The following KHSRP variants were observed in gnomAD, a reference collection of about 807,000 sequenced individuals.
The protein encoded by KHSRP is KH-type splicing regulatory protein, also known as far upstream element-binding protein 2.
KHSRP carries 13 observed loss-of-function variants against 94.9 expected under a neutral mutation model. The ratio of observed to expected loss-of-function variants is 0.14; its 90% CI spans 0.09 to 0.22. The LOEUF is 0.22. Among genes scored for constraint, KHSRP ranks in the 10% least tolerant of loss-of-function variants. The pLI, the probability that KHSRP is intolerant of heterozygous loss-of-function variation, is 1.00. For synonymous variants in KHSRP, 495 were observed against 401.4 expected, an observed-to-expected ratio of 1.23 and a Z score of -2.79; for missense variants, 710 against 1,010.0, an observed-to-expected ratio of 0.70 and a Z score of 4.03.
chr19:6,415,610 C>A lies in KHSRP; in HGVS notation c.1812G>T (p.Gln604His). The stretch of plus-strand genomic sequence containing the variant: ...TGGGTGGGGGCTGAGGGGGCTCACC[C>A]TGAGCCGGTGGGGCCGCAGGGGCCG... ...PAPAPAAPPA[Q>H]GEPPQPPPTG... Residue 604 changes from glutamine (Q) to histidine (H), a missense_variant, in exon 17 of 19, where the codon CAG (glutamine) becomes CAT (histidine). Physicochemically the swap from Gln to His is conservative, Grantham distance 24 (BLOSUM62 0). Transcript: ENST00000600480. 1 of 1,517,800 alleles carries A rather than the reference C, an allele frequency of 6.6e-7. No homozygotes were observed. Among genetic ancestry groups the A allele is most frequent in the Non-Finnish European group, 8.8e-7 (1 of 1,133,758 alleles). The allele number at this position is 1,517,800 out of a possible 1,614,324, so 94.0% of individuals were successfully genotyped here.
chr19:6,417,897 C>T, intron 10 of KHSRP, 56 bp from the exon 11 acceptor site: 1 of 1,602,578 alleles, frequency 6.2e-7, no homozygotes, highest in Non-Finnish European at 8.5e-7. Flanking sequence ...CCCTCTGCTG[C>T]CCACTGGCCA....
Position 6,413,171 on chromosome 19 carries a change from C to T in KHSRP, c.*1853G>A, listed in dbSNP as rs1316921446. On this transcript the variant is annotated 3_prime_UTR_variant, in exon 19 of 19. Transcript: ENST00000600480. Reference sequence around the variant, plus strand: ...GGGGGGGGGCACGGTTAGGAAAGCACATTGAGCCTGAAGAAAACTATTTTA... The same window carrying T: ...GGGGGGGGGCACGGTTAGGAAAGCATATTGAGCCTGAAGAAAACTATTTTA... Among the ~76,000 whole-genome samples the T allele has an allele frequency of 1.5e-5, 2 of 135,998 alleles. No homozygotes were observed. The highest frequency in any genetic ancestry group is 7.3e-5 in the Admixed American group (1 of 13,610). 89.2% of individuals were successfully genotyped at this position (135,998 alleles called of 152,430 possible). A position where few individuals can be genotyped will look rare whatever the true frequency, so the allele number is the denominator to read the frequency against.
At chr19:6,419,777 C>T (rs909762426) in intron 6 of KHSRP, among the ~76,000 whole-genome samples, 5 of 152,216 alleles carry the variant, frequency 3.3e-5, no homozygotes, top group African/African-American at 1.2e-4. Flanking sequence ...CTTTCACCCA[C>T]GCGGCAGGTC....
Position 6,415,707 on chromosome 19 carries a change from G to C in KHSRP, c.1715C>G (p.Pro572Arg), listed in dbSNP as rs1176891624. 1.3e-6 allele frequency: 2 copies of C among 1,549,460 alleles called. No homozygotes were observed. Among genetic ancestry groups the C allele is most frequent in the South Asian group, 1.2e-5 (1 of 84,036 alleles). ...GTAGTAGGCGGCCCACGCGGCGTTG[G>C]GGTCCGCGGCCGCTGCAGCTGCTTT... is the stretch of plus-strand genomic sequence containing the variant. ...PSKAAAAAAD[P>R]NAAWAAYYSH... Residue 572 changes from proline (P) to arginine (R), a missense_variant, in exon 17 of 19, where the codon CCC becomes CGC. Around this residue, in one of 5 missense-constraint regions of KHSRP, gnomAD observed 292 missense variants for 340.5 expected, o/e 0.86. Coordinates refer to ENST00000600480, the MANE Select transcript of KHSRP (RefSeq NM_001366299.1).
chr19:6,420,950 G>A, intron 4 of KHSRP: 3 of 407,456 alleles, frequency 7.4e-6, no homozygotes, highest in South Asian at 6.6e-5. Context: ...TGTGAGGGAG[G>A]GAAGCAAGGC....
At chr19:6,419,674 T>C (rs1055970863) in intron 6 of KHSRP, among the ~76,000 whole-genome samples, 2 of 152,226 alleles carry the variant, frequency 1.3e-5, no homozygotes, top group African/African-American at 4.8e-5. Context: ...AGAGCAGATG[T>C]GCAGCCAGAA....
chr19:6,422,545 G>A, intron 1 of KHSRP, 109 bp from the exon 2 acceptor site: 1 of 765,726 alleles, frequency 1.3e-6, no homozygotes, highest in East Asian at 2.6e-5. Flanking sequence ...ATCAGGTCTT[G>A]GTGTCTGGCC....
Position 6,415,224 on chromosome 19 carries a change from A to G in KHSRP, c.2044T>C (p.Tyr682His). Residue 682 changes from tyrosine to histidine, a missense_variant, in exon 19 of 19, where the codon TAC becomes CAC. Physicochemically the swap from Tyr to His is moderately conservative, Grantham distance 83 (BLOSUM62 2). This residue lies in a region of KHSRP where 292 missense variants were observed against 340.5 expected (regional missense o/e 0.86). Coordinates refer to ENST00000600480, the MANE Select transcript of KHSRP (RefSeq NM_001366299.1). Reference sequence around the variant, plus strand: ...CCGTAGTAAGCGGCCTGCTGTCTGTAATATTCCGCCCAGGCGGCACTGTAG... The same window carrying G: ...CCGTAGTAAGCGGCCTGCTGTCTGTGATATTCCGCCCAGGCGGCACTGTAG... ...PDYSAAWAEYYRQQAAYYGQT... is the reference protein window; with the variant it reads ...PDYSAAWAEYHRQQAAYYGQT... 6.2e-7 allele frequency: 1 copy of G among 1,612,624 alleles called. No homozygotes were observed. Among genetic ancestry groups the G allele is most frequent in the Non-Finnish European group, 8.5e-7 (1 of 1,179,804 alleles).
intron 1 of KHSRP, chr19:6,424,132 C>T (rs1251011665): frequency 2.6e-5 from 4 of 152,136 alleles, no homozygotes; most frequent in Admixed American, 1.3e-4. Context: ...GAAGGTGGAC[C>T]CCTGCCTCCA....
At position 6,414,072 on chromosome 19, in the gene KHSRP, A is replaced by G. The variant is rs1244572971; in HGVS notation, c.*952T>C. Reference sequence around the variant, plus strand: ...CCAAACAGAACAAAATGGAAAAAAAAAAGATTTTTCACAGATGAAGAAGTT... The same window carrying G: ...CCAAACAGAACAAAATGGAAAAAAAGAAGATTTTTCACAGATGAAGAAGTT... On this transcript the variant is annotated 3_prime_UTR_variant, in exon 19 of 19. Transcript: ENST00000600480. 1.9e-6 allele frequency: 3 copies of G among 1,602,190 alleles called. No homozygotes were observed. The highest frequency in any genetic ancestry group is 2.7e-5 in the African/African-American group (2 of 74,140).
chr19:6,422,385 G>C lies in KHSRP; in HGVS notation c.301C>G (p.Pro101Ala). 1 of 1,613,838 alleles carries C rather than the reference G, an allele frequency of 6.2e-7. No homozygotes were observed. ...DAATTVNNST[P>A]DFGFGGQKRQ... ...TTTTGGCCCCCAAAACCAAAATCAGGAGTGCTGTTATTCACTGTCGTGGCA... is the reference window on the plus strand; with the variant it reads ...TTTTGGCCCCCAAAACCAAAATCAGCAGTGCTGTTATTCACTGTCGTGGCA... The change falls in exon 2 of 19, where the codon CCT (proline) becomes GCT (alanine). Residue 101 changes from proline (P) to alanine (A), a missense_variant. Around this residue, in one of 5 missense-constraint regions of KHSRP, gnomAD observed 288 missense variants for 501.1 expected, o/e 0.57. Transcript: ENST00000600480.
In KHSRP at chr19:6,414,049, A is replaced by G. The variant is rs2092121498; in HGVS notation, c.*975T>C. The G allele has an allele frequency of 5.1e-6, 8 of 1,562,982 alleles. No homozygotes were observed. The highest frequency in any genetic ancestry group is 1.2e-5 in the South Asian group (1 of 85,602). The stretch of plus-strand genomic sequence containing the variant: ...CTCGCCAAACAAAACAGAAGCCCCC[A>G]AACAGAACAAAATGGAAAAAAAAAA... On this transcript the variant is annotated 3_prime_UTR_variant, in exon 19 of 19. Transcript: ENST00000600480.
rs551871526 is a variant in KHSRP, at chr19:6,413,144, A to AGGGG, written c.*1876_*1879dup. Among the ~76,000 whole-genome samples the AGGGG allele has an allele frequency of 7.7e-5, 9 of 117,202 alleles. No individual in the cohort carries two copies. Among genetic ancestry groups the AGGGG allele is most frequent in the African/African-American group, 2.0e-4 (6 of 29,826 alleles). The allele number at this position is 117,202 out of a possible 152,430, so 76.9% of individuals were successfully genotyped here. A position where few individuals can be genotyped will look rare whatever the true frequency, so the allele number is the denominator to read the frequency against. ...GCACTTTATTTAACAAAAAAAAAAA[A>AGGGG]GGGGGGGGGGCACGGTTAGGAAAGC... On this transcript the variant is annotated 3_prime_UTR_variant, in exon 19 of 19. Transcript: ENST00000600480.
rs756528841 is a variant in KHSRP at position 6,416,325 on chromosome 19, T to G, written c.1571A>C (p.Asn524Thr). Residue 524 changes from asparagine (N) to threonine (T), a missense_variant, in exon 15 of 19, where the codon AAC becomes ACC. This residue lies in a region of KHSRP where 292 missense variants were observed against 340.5 expected (regional missense o/e 0.86). Coordinates refer to ENST00000600480, the MANE Select transcript of KHSRP (RefSeq NM_001366299.1). The stretch of plus-strand genomic sequence containing the variant: ...TGGGGGAGCCCCGGGTGGCCCCTGG[T>G]TGAAGGGCCCAGGATTGAAGGGCCC... Reference protein sequence around the residue: ...PMGPFNPGPFNQGPPGAPPHA... With the variant: ...PMGPFNPGPFTQGPPGAPPHA... 1.2e-6 allele frequency: 2 copies of G among 1,603,552 alleles called. No individual in the cohort carries two copies. Among genetic ancestry groups the G allele is most frequent in the Non-Finnish European group, 1.7e-6 (2 of 1,177,260 alleles).
chr19:6,415,860 C>A lies in KHSRP; in HGVS notation c.1635G>T (p.Gln545His). 6.4e-7 allele frequency: 1 copy of A among 1,566,630 alleles called. No individual in the cohort carries two copies. The highest frequency in any genetic ancestry group is 2.3e-5 in the East Asian group (1 of 43,712). Reference sequence around the variant, plus strand: ...ACTGGGGGTAGGTATTGCCCCAGCCCTGGGGTGGGTACTGGTGAGGAGGGG... The same window carrying A: ...ACTGGGGGTAGGTATTGCCCCAGCCATGGGGTGGGTACTGGTGAGGAGGGG... ...GGPPPHQYPP[Q>H]GWGNTYPQWQ... Residue 545 changes from glutamine (Q) to histidine (H), a missense_variant, in exon 16 of 19, where the codon CAG becomes CAT. Physicochemically the swap from Gln to His is conservative, Grantham distance 24 (BLOSUM62 0). This residue lies in a region of KHSRP where 292 missense variants were observed against 340.5 expected (regional missense o/e 0.86). Transcript: ENST00000600480.
rs1161421704 is a variant in KHSRP, at chr19:6,424,408, T to TGC, written c.249+43_249+44dup. 3.8e-4 allele frequency: 310 copies of TGC among 819,380 alleles called. 1 individual carries two copies. Among genetic ancestry groups the TGC allele is most frequent in the East Asian group, 1.7e-3 (13 of 7,594 alleles). 50.8% of individuals were successfully genotyped at this position (819,380 alleles called of 1,614,324 possible). A position where few individuals can be genotyped will look rare whatever the true frequency, so the allele number is the denominator to read the frequency against. On this transcript the variant is annotated intron_variant, in intron 1 of 18. Coordinates refer to ENST00000600480, the MANE Select transcript of KHSRP (RefSeq NM_001366299.1). ...CGTGACCCCCGCCCCCTCCCCCGCC[T>TGC]GCGCGCGCGCGCGAGCGCGCCCCTC... is the stretch of plus-strand genomic sequence containing the variant.
intron 13 of KHSRP, 37 bp downstream of exon 13, chr19:6,416,701 A>AG (rs773238601): frequency 3.6e-5 from 58 of 1,611,582 alleles, no homozygotes; most frequent in Non-Finnish European, 4.9e-5. Context: ...CCCAGGGAAG[A>AG]GGGGGCAAGG....
rs768538744 is a variant in KHSRP, at chr19:6,417,845, G to A, written c.979-4C>T. On this transcript the variant is annotated splice_region_variant and splice_polypyrimidine_tract_variant and intron_variant, in intron 10 of 18. Transcript: ENST00000600480. Reference sequence around the variant, plus strand: ...CAGAATGCCTGGGCACTGGCACCTGGGGAGGGAGGCAGCAGCGTCAGCTCG... The same window carrying A: ...CAGAATGCCTGGGCACTGGCACCTGAGGAGGGAGGCAGCAGCGTCAGCTCG... 6.2e-7 allele frequency: 1 copy of A among 1,613,196 alleles called. No homozygotes were observed. Among genetic ancestry groups the A allele is most frequent in the Non-Finnish European group, 8.5e-7 (1 of 1,179,268 alleles).
At chr19:6,420,218 C>T (rs1005429386) in intron 5 of KHSRP, 74 bp from the exon 6 acceptor site, 18 of 1,426,680 alleles carry the variant, frequency 1.3e-5, no homozygotes, top group African/African-American at 4.2e-5. Context: ...ACTGTGTGGC[C>T]GGGGCCCCAG....
Sources: allele counts gnomAD v4.1 joint callset (sites outside exome capture counted in the v4.1 genomes callset), GRCh38; gene constraint gnomAD v4.1.1; regional missense constraint gnomAD v4.1.1; transcripts MANE v1.5; gene names NCBI Gene and HGNC (gene_info 2026-07-23, HGNC 2026-07-21).